The following GNG7 variants were observed in gnomAD, a reference collection of about 807,000 sequenced individuals.
The protein encoded by GNG7 is guanine nucleotide-binding protein G(I)/G(S)/G(O) subunit gamma-7.
GNG7 carries 1 observed loss-of-function variant against 4.0 expected under a neutral mutation model. The observed-to-expected ratio is 0.25, with a 90% confidence interval of 0.09 to 1.18. The LOEUF is 1.18. Ranked by LOEUF, GNG7 falls within the 50% of genes most tolerant of loss-of-function variation. GNG7 has a pLI of 0.50. For missense variants in GNG7, 86 were observed against 91.9 expected, an observed-to-expected ratio of 0.94 and a Z score of 0.26; for synonymous variants, 34 against 36.9, an observed-to-expected ratio of 0.92 and a Z score of 0.29.
intron 1 of GNG7, among the ~76,000 whole-genome samples, chr19:2,655,148 C>A: frequency 6.8e-6 from 1 of 148,144 alleles, no homozygotes. Flanking sequence ...GAGATCACAC[C>A]ACTGCACTCC....
In GNG7 at chr19:2,516,233, CAAAT is replaced by C. The variant is rs563450110; in HGVS notation, c.82-1090_82-1087del. Among the ~76,000 whole-genome samples the C allele has an allele frequency of 2.6e-4, 39 of 152,012 alleles. No homozygotes were observed. The South Asian group carries it at 7.5e-3, about 29-fold the overall frequency. ...CCCTGTCTCAATTAAGATAAATAAA[CAAAT>C]AAATAAATTTATGTGTGTCTTTTCC... On this transcript the variant is annotated intron_variant, in intron 4 of 4. Transcript: ENST00000382159.
chr19:2,694,554 A>G (rs934251754), intron 1 of GNG7, among the ~76,000 whole-genome samples: 1 of 152,000 alleles, frequency 6.6e-6, no homozygotes, highest in Non-Finnish European at 1.5e-5. Context: ...AAAAAAATCA[A>G]GTCTGCTTCC....
chr19:2,641,065 G>A (rs1257278618), intron 2 of GNG7, among the ~76,000 whole-genome samples: 1 of 152,232 alleles, frequency 6.6e-6, no homozygotes, highest in East Asian at 1.9e-4. Flanking sequence ...GGTCCCCAGA[G>A]GTGGTACAAG....
intron 2 of GNG7, among the ~76,000 whole-genome samples, chr19:2,588,902 C>T (rs1012061146): frequency 6.6e-6 from 1 of 152,196 alleles, no homozygotes; most frequent in African/African-American, 2.4e-5. Flanking sequence ...CCGTCCCTTG[C>T]TGGCCCTGGT....
At chr19:2,549,008 C>T (rs1323183591) in intron 3 of GNG7, among the ~76,000 whole-genome samples, 1 of 152,126 alleles carries the variant, frequency 6.6e-6, no homozygotes, top group Non-Finnish European at 1.5e-5. Context: ...TCCTGGGTCC[C>T]TGTTCCTGCC....
In GNG7 at chr19:2,618,929, G is replaced by A. The variant is rs566902136; in HGVS notation, c.-78+27295C>T. Among the ~76,000 whole-genome samples the A allele has an allele frequency of 1.3e-5, 2 of 152,130 alleles. No homozygotes were observed. Among genetic ancestry groups the A allele is most frequent in the Admixed American group, 6.5e-5 (1 of 15,276 alleles). On this transcript the variant is annotated intron_variant, in intron 2 of 4. Coordinates refer to ENST00000382159, the MANE Select transcript of GNG7 (RefSeq NM_052847.3). This position sits in a 1 kb window ranked among gnomAD's most constrained non-coding sequence, Gnocchi z 5.1. Reference sequence around the variant, plus strand: ...TGGCATCTGACCGTCCCATCTCCGTGGGTTCCTCTGGGCTCTCAGTTTCTT... The same window carrying A: ...TGGCATCTGACCGTCCCATCTCCGTAGGTTCCTCTGGGCTCTCAGTTTCTT...
chr19:2,553,479 T>A (rs9676984), intron 3 of GNG7, among the ~76,000 whole-genome samples: 2,500 of 146,996 alleles, frequency 0.017, 65 homozygotes, highest in African/African-American at 0.059. Context: ...TATTATATAC[T>A]ATATATTATA....
intron 2 of GNG7, among the ~76,000 whole-genome samples, chr19:2,625,826 C>T (rs1982006453): frequency 6.6e-6 from 1 of 151,660 alleles, no homozygotes. Flanking sequence ...GGCGGAGTCT[C>T]ACTCTGTCGC....
chr19:2,571,161 C>CTG (rs1299882676), intron 2 of GNG7, among the ~76,000 whole-genome samples: 2 of 150,096 alleles, frequency 1.3e-5, no homozygotes, highest in Non-Finnish European at 3.0e-5. Flanking sequence ...CCACCCTGGC[C>CTG]TCTCGGACTG....
At chr19:2,552,300 C>T (rs374108713) in intron 3 of GNG7, among the ~76,000 whole-genome samples, 1 of 152,094 alleles carries the variant, frequency 6.6e-6, no homozygotes, top group East Asian at 1.9e-4. Flanking sequence ...GAGACTCTGT[C>T]TCAAAACAAG....
intron 3 of GNG7, among the ~76,000 whole-genome samples, chr19:2,527,767 C>T (rs115369408): frequency 0.014 from 2,029 of 144,062 alleles, 59 homozygotes; most frequent in African/African-American, 0.053. Context: ...CCACTCCTTG[C>T]CAGGAAACCC....
At chr19:2,605,850 G>A (rs759456876) in intron 2 of GNG7, among the ~76,000 whole-genome samples, 1 of 151,972 alleles carries the variant, frequency 6.6e-6, no homozygotes, top group Non-Finnish European at 1.5e-5. Flanking sequence ...AATTGTTTAG[G>A]GTCCACCTGG....
At chr19:2,520,774 GGGTGGCA>G (rs1270936682) in intron 3 of GNG7, 49 bp from the exon 4 acceptor site, 1 of 842,842 alleles carries the variant, frequency 1.2e-6, no homozygotes, top group African/African-American at 1.7e-5. Context: ...TCAGGCCTCT[GGGTGGCA>G]GCAGGGGCGC....
intron 2 of GNG7, among the ~76,000 whole-genome samples, chr19:2,562,943 T>TGATCTCAGAC (rs1979789482): frequency 6.6e-6 from 1 of 151,686 alleles, no homozygotes; most frequent in Non-Finnish European, 1.5e-5. Context: ...TCTTTTTCTT[T>TGATCTCAGAC]TTCTTTTTTT....
intron 2 of GNG7, among the ~76,000 whole-genome samples, chr19:2,561,835 T>C (rs1479165295): frequency 1.3e-5 from 2 of 151,798 alleles, no homozygotes; most frequent in Non-Finnish European, 2.9e-5. Flanking sequence ...GAGCCGAGAT[T>C]GCACCATTGC....
At chr19:2,594,755 A>C (rs1436393176) in intron 2 of GNG7, among the ~76,000 whole-genome samples, 1 of 152,158 alleles carries the variant, frequency 6.6e-6, no homozygotes, top group Non-Finnish European at 1.5e-5. Flanking sequence ...AACTTGCTCC[A>C]TGATTATCAA....
At chr19:2,648,137 A>T (rs1437353074) in intron 1 of GNG7, among the ~76,000 whole-genome samples, 1 of 151,916 alleles carries the variant, frequency 6.6e-6, no homozygotes, top group East Asian at 1.9e-4. Flanking sequence ...AGTGAAATTT[A>T]GCTTATAGAA....
intron 3 of GNG7, among the ~76,000 whole-genome samples, chr19:2,552,856 C>G (rs10411654): frequency 7.5e-6 from 1 of 134,222 alleles, no homozygotes; most frequent in African/African-American, 2.7e-5. Flanking sequence ...GCTCCACCCC[C>G]CCCACCTCCC....
chr19:2,658,640 C>T (rs114425947), intron 1 of GNG7, among the ~76,000 whole-genome samples: 18 of 152,264 alleles, frequency 1.2e-4, no homozygotes, highest in African/African-American at 3.9e-4. Context: ...GAGGGCATCA[C>T]GCCCAGTGAA....
Sources: allele counts gnomAD v4.1 joint callset (sites outside exome capture counted in the v4.1 genomes callset), GRCh38; gene constraint gnomAD v4.1.1; non-coding constraint Gnocchi (gnomAD v3.1); transcripts MANE v1.5; gene names NCBI Gene and HGNC (gene_info 2026-07-23, HGNC 2026-07-21).